Variants in TMPRSS6 observed in about 807,000 individuals in gnomAD.
TMPRSS6 encodes the protein transmembrane serine protease 6.
Under a neutral mutation model 101.5 loss-of-function variants are expected in TMPRSS6, and 67 were observed. That is an observed-to-expected ratio of 0.66 (90% CI 0.54 to 0.81). The LOEUF is 0.81. TMPRSS6 is among the 30% of genes least tolerant of loss of function. TMPRSS6 has a pLI of 0.00. For missense variants in TMPRSS6, 1,034 were observed against 1,088.7 expected, an observed-to-expected ratio of 0.95 and a Z score of 0.71; for synonymous variants, 453 against 464.9, an observed-to-expected ratio of 0.97 and a Z score of 0.33.
At chr22:37,076,539 C>T (rs1022957949) in intron 10 of TMPRSS6, among the ~76,000 whole-genome samples, 3 of 152,140 alleles carry the variant, frequency 2.0e-5, no homozygotes, top group African/African-American at 7.2e-5. Flanking sequence ...AGGTAGGAGC[C>T]CTCCCATCTC....
rs1193949675 is a variant in TMPRSS6, at chr22:37,066,001, T to A, written c.*79A>T. On this transcript the variant is annotated 3_prime_UTR_variant, in exon 18 of 18. Coordinates refer to ENST00000676104, the MANE Select transcript of TMPRSS6 (RefSeq NM_001374504.1). Reference sequence around the variant, plus strand: ...CTCTCTCCCCCACCCCCCGCCAGAATACTTGTCCCCCTGCTTGGCAGTTGC... The same window carrying A: ...CTCTCTCCCCCACCCCCCGCCAGAAAACTTGTCCCCCTGCTTGGCAGTTGC... The A allele has an allele frequency of 2.6e-6, 4 of 1,546,318 alleles. No individual in the cohort carries two copies. Among genetic ancestry groups the A allele is most frequent in the African/African-American group, 1.4e-5 (1 of 73,506 alleles).
chr22:37,107,797 T>A (rs189399901), intron 1 of TMPRSS6, among the ~76,000 whole-genome samples: 34 of 152,260 alleles, frequency 2.2e-4, no homozygotes, highest in Admixed American at 1.6e-3. Flanking sequence ...GGGTCAGATG[T>A]CACCTCTCCA....
rs1926708221 is a variant in TMPRSS6, at chr22:37,069,724, C to G, written c.1842-380G>C. Among the ~76,000 whole-genome samples the G allele has an allele frequency of 6.6e-6, 1 of 152,202 alleles. No individual in the cohort carries two copies. Among genetic ancestry groups the G allele is most frequent in the Admixed American group, 6.5e-5 (1 of 15,282 alleles). ...ACACAGATTTCTTTTTTCCTGTGTGCTTTACAGACCCAGGCTGCTCTGAAT... is the reference window on the plus strand; with the variant it reads ...ACACAGATTTCTTTTTTCCTGTGTGGTTTACAGACCCAGGCTGCTCTGAAT... On this transcript the variant is annotated intron_variant, in intron 15 of 17. Transcript: ENST00000676104. This position sits in a 1 kb window ranked among gnomAD's most constrained non-coding sequence, Gnocchi z 4.8.
intron 6 of TMPRSS6, among the ~76,000 whole-genome samples, chr22:37,094,215 G>A (rs1408972994): frequency 6.6e-6 from 1 of 152,076 alleles, no homozygotes; most frequent in Non-Finnish European, 1.5e-5. Context: ...CTCTGTAGAG[G>A]TAGATGTTAA....
chr22:37,097,279 C>A (rs1246142874), intron 3 of TMPRSS6, among the ~76,000 whole-genome samples: 1 of 152,230 alleles, frequency 6.6e-6, no homozygotes, highest in Non-Finnish European at 1.5e-5. Flanking sequence ...AGCAGACCCT[C>A]CATTGACAAG....
intron 15 of TMPRSS6, 145 bp downstream of exon 15, chr22:37,070,339 G>A (rs1039275959): frequency 4.7e-6 from 5 of 1,065,538 alleles, no homozygotes; most frequent in African/African-American, 4.7e-5. Flanking sequence ...GTGGAGCCAG[G>A]ACTAGAACTC....
chr22:37,079,948 C>G (rs925110129), intron 10 of TMPRSS6: 8 of 152,290 alleles, frequency 5.3e-5, no homozygotes, highest in African/African-American at 1.9e-4. Flanking sequence ...CAGGCCAGGC[C>G]GGGTCGGGGG....
At position 37,084,310 on chromosome 22, in the gene TMPRSS6, G is replaced by C; in HGVS notation, c.1181C>G (p.Thr394Arg). Residue 394 changes from threonine to arginine, a missense_variant, in exon 10 of 18, where the codon ACG (threonine) becomes AGG (arginine). By Grantham distance (71) the Thr-to-Arg change is moderately conservative. Coordinates refer to ENST00000676104, the MANE Select transcript of TMPRSS6 (RefSeq NM_001374504.1). ...YDLPCTQGQW[T>R]IQNRRLCGLR... Reference sequence around the variant, plus strand: ...GAAGTGGTACCTCCTGTTCTGGATCGTCCACTGGCCCTGGGTGCACGGCAA... The same window carrying C: ...GAAGTGGTACCTCCTGTTCTGGATCCTCCACTGGCCCTGGGTGCACGGCAA... The C allele has an allele frequency of 1.2e-6, 2 of 1,613,492 alleles. No homozygotes were observed. The highest frequency in any genetic ancestry group is 1.3e-5 in the African/African-American group (1 of 74,978).
chr22:37,071,871 T>C (rs1398610441), intron 13 of TMPRSS6, among the ~76,000 whole-genome samples: 1 of 151,898 alleles, frequency 6.6e-6, no homozygotes, highest in East Asian at 1.9e-4. Flanking sequence ...GACAGGGGGC[T>C]AGGGAGATCA....
intron 1 of TMPRSS6, among the ~76,000 whole-genome samples, chr22:37,106,307 G>A (rs887938089): frequency 6.6e-6 from 1 of 152,060 alleles, no homozygotes; most frequent in Non-Finnish European, 1.5e-5. Flanking sequence ...GAGGGAAACT[G>A]AGGCTCGGAG....
intron 10 of TMPRSS6, among the ~76,000 whole-genome samples, chr22:37,076,408 C>T (rs1319810541): frequency 2.6e-5 from 4 of 152,208 alleles, no homozygotes; most frequent in Admixed American, 2.6e-4. Flanking sequence ...CCCTCACATC[C>T]CTGCTGGACA....
intron 6 of TMPRSS6, among the ~76,000 whole-genome samples, chr22:37,094,797 C>CT (rs1326067419): frequency 6.6e-6 from 1 of 152,194 alleles, no homozygotes; most frequent in Non-Finnish European, 1.5e-5. Flanking sequence ...GATTTAAACT[C>CT]TGCCTCCCTC....
chr22:37,085,716 G>A (rs1023580998), intron 8 of TMPRSS6, among the ~76,000 whole-genome samples: 1 of 152,252 alleles, frequency 6.6e-6, no homozygotes, highest in South Asian at 2.1e-4. Flanking sequence ...GTGGGGGCTG[G>A]GAAGGCAGTG....
intron 3 of TMPRSS6, among the ~76,000 whole-genome samples, chr22:37,097,705 AACAGAGGGGCAGGAGCGGGCCACCGTCCT>A (rs1929897721): frequency 8.9e-6 from 1 of 112,574 alleles, no homozygotes; most frequent in African/African-American, 3.6e-5. Context: ...ACCGTCTTGT[AACAGAGGGGCAGGAGCGGGCCACCGTCCT>A]GTAACGGAGG....
Position 37,070,347 on chromosome 22 carries a change from C to T in TMPRSS6, c.1841+137G>A, listed in dbSNP as rs5995375. 2.1e-4 allele frequency: 247 copies of T among 1,153,746 alleles called. No homozygotes were observed. In the African/African-American group the frequency reaches 2.8e-3, roughly 13 times the overall value. The allele number at this position is 1,153,746 out of a possible 1,614,324, so 71.5% of individuals were successfully genotyped here. On this transcript the variant is annotated intron_variant, in intron 15 of 17. Coordinates refer to ENST00000676104, the MANE Select transcript of TMPRSS6 (RefSeq NM_001374504.1). Reference sequence around the variant, plus strand: ...GGTCCTGGTGGAGCCAGGACTAGAACTCACATCACAGTAGCCTGTCTGGGG... The same window carrying T: ...GGTCCTGGTGGAGCCAGGACTAGAATTCACATCACAGTAGCCTGTCTGGGG...
Position 37,086,326 on chromosome 22 carries a change from G to C in TMPRSS6, c.930C>G (p.Tyr310Ter), listed in dbSNP as rs1199193462. 6.2e-7 allele frequency: 1 copy of C among 1,614,126 alleles called. No individual in the cohort carries two copies. Among genetic ancestry groups the C allele is most frequent in the African/African-American group, 1.3e-5 (1 of 75,030 alleles). The change falls in exon 8 of 18, where the codon TAC (tyrosine) becomes TAG (stop). Residue 310 changes from tyrosine to a stop codon, truncating the protein, a stop_gained. Transcript: ENST00000676104. LOFTEE classifies it high-confidence loss of function. ...GCACGGAGAGCACGAAGGGGTCGTA[G>C]TAGCTGTGCAGGCCCTTCTTCCAGA... Reference protein sequence around the residue: ...AVVWKKGLHSYYDPFVLSVQP... With the variant: ...AVVWKKGLHS
At chr22:37,086,731 C>T (rs891858630) in intron 7 of TMPRSS6, among the ~76,000 whole-genome samples, 2 of 152,080 alleles carry the variant, frequency 1.3e-5, no homozygotes, top group Admixed American at 6.5e-5. Flanking sequence ...CCTCCCCAGA[C>T]CCCTCCACCC....
At chr22:37,071,347 G>C (rs1266677430) in intron 13 of TMPRSS6, among the ~76,000 whole-genome samples, 1 of 152,108 alleles carries the variant, frequency 6.6e-6, no homozygotes. Flanking sequence ...TTTAGACCAG[G>C]GTCCGCACCT....
At chr22:37,070,720 AG>A (rs1457637230) in intron 14 of TMPRSS6, 68 bp from the exon 15 acceptor site, 2 of 1,533,578 alleles carry the variant, frequency 1.3e-6, no homozygotes, top group Non-Finnish European at 1.8e-6. Flanking sequence ...ACAGAGAGGA[AG>A]GGCAAAGGAA....
Sources: gnomAD v4.1 joint callset for allele counts (sites outside exome capture counted in the v4.1 genomes callset) on GRCh38, gnomAD v4.1.1 for gene constraint, Gnocchi (gnomAD v3.1) non-coding constraint, MANE v1.5 for transcripts, NCBI Gene and HGNC (gene_info 2026-07-23, HGNC 2026-07-21) for gene names.